The following YWHAE variants were observed in gnomAD, a reference collection of about 807,000 sequenced individuals.
YWHAE encodes the protein 14-3-3 protein epsilon.
YWHAE carries 4 observed loss-of-function variants against 30.1 expected under a neutral mutation model. The ratio of observed to expected loss-of-function variants is 0.13; its 90% CI spans 0.07 to 0.30. The LOEUF is 0.30. Among genes scored for constraint, YWHAE ranks in the 10% least tolerant of loss-of-function variants. YWHAE has a pLI of 1.00. For synonymous variants in YWHAE, 118 were observed against 111.8 expected (o/e 1.06, Z -0.35); for missense variants, 121 against 315.9 (o/e 0.38, Z 4.68).
At chr17:1,360,540 T>C (rs2072848375) in intron 4 of YWHAE, among the ~76,000 whole-genome samples, 1 of 152,068 alleles carries the variant, frequency 6.6e-6, no homozygotes. Context: ...GGCGGGCGGA[T>C]CACTTGAGGT....
At chr17:1,381,835 C>T (rs77457693) in intron 1 of YWHAE, among the ~76,000 whole-genome samples, 66 of 142,718 alleles carry the variant, frequency 4.6e-4, no homozygotes, top group African/African-American at 1.7e-3. Flanking sequence ...ATCACTGGAA[C>T]GTGAGAGGTC....
intron 1 of YWHAE, among the ~76,000 whole-genome samples, chr17:1,365,643 T>C (rs17578156): frequency 0.032 from 4,819 of 152,244 alleles, 86 homozygotes; most frequent in Middle Eastern, 0.044. Context: ...CAGAAAAGCC[T>C]TGGCATCTAC....
intron 2 of YWHAE, among the ~76,000 whole-genome samples, chr17:1,363,146 A>C (rs2072889139): frequency 6.6e-6 from 1 of 152,188 alleles, no homozygotes; most frequent in South Asian, 2.1e-4. Context: ...ATGCTGCTCC[A>C]TACTAGAAGT....
chr17:1,368,352 G>A (rs1178430639), intron 1 of YWHAE, among the ~76,000 whole-genome samples: 2 of 151,376 alleles, frequency 1.3e-5, no homozygotes. Context: ...CTCCAGTCTG[G>A]GCAACAAGAG....
At position 1,392,577 on chromosome 17, in the gene YWHAE, C is replaced by T. The variant is rs140103413; in HGVS notation, c.64+7470G>A. Among the ~76,000 whole-genome samples, 992 of 152,072 alleles carry T rather than the reference C, an allele frequency of 6.5e-3. 8 individuals carry two copies. The highest frequency in any genetic ancestry group is 0.023 in the African/African-American group (944 of 41,498). On this transcript the variant is annotated intron_variant, in intron 1 of 5. Coordinates refer to ENST00000264335, the MANE Select transcript of YWHAE (RefSeq NM_006761.5). ...TTGTATGTCTATATCTGGCCGGGTG[C>T]GGTGGCTCACACCTATAATCCCAGC...
chr17:1,376,158 G>T (rs1157073025), intron 1 of YWHAE, among the ~76,000 whole-genome samples: 1 of 152,192 alleles, frequency 6.6e-6, no homozygotes, highest in Admixed American at 6.5e-5. Flanking sequence ...TATTGCCTCA[G>T]ATTTGAATAT....
chr17:1,385,551 C>T (rs1481000181), intron 1 of YWHAE, among the ~76,000 whole-genome samples: 1 of 152,118 alleles, frequency 6.6e-6, no homozygotes, highest in Non-Finnish European at 1.5e-5. Context: ...AATTTTTCCA[C>T]AGACCAGTAT....
intron 1 of YWHAE, among the ~76,000 whole-genome samples, chr17:1,388,367 T>C (rs982637734): frequency 1.3e-5 from 2 of 151,488 alleles, no homozygotes; most frequent in Non-Finnish European, 2.9e-5. Flanking sequence ...ATACAAAAAA[T>C]GAGCCGGGCG....
At chr17:1,378,046 T>C (rs1273103393) in intron 1 of YWHAE, among the ~76,000 whole-genome samples, 1 of 152,206 alleles carries the variant, frequency 6.6e-6, no homozygotes, top group East Asian at 1.9e-4. Context: ...TGAGACTCCG[T>C]CTCAAAATAA....
intron 1 of YWHAE, among the ~76,000 whole-genome samples, chr17:1,389,577 C>CT (rs1401724686): frequency 6.7e-6 from 1 of 150,074 alleles, no homozygotes; most frequent in Non-Finnish European, 1.5e-5. Flanking sequence ...GTTGCCCAGG[C>CT]TGGAGTGCAG....
chr17:1,360,728 T>G (rs1223562698), intron 4 of YWHAE, among the ~76,000 whole-genome samples: 1 of 152,154 alleles, frequency 6.6e-6, no homozygotes, highest in East Asian at 1.9e-4. Context: ...ATGGCGCCAC[T>G]GCACTCTAGC....
intron 1 of YWHAE, among the ~76,000 whole-genome samples, chr17:1,396,558 AC>A: frequency 6.6e-6 from 1 of 152,258 alleles, no homozygotes; most frequent in Non-Finnish European, 1.5e-5. Flanking sequence ...AAAGGACAAA[AC>A]CAACAACAGC....
intron 1 of YWHAE, among the ~76,000 whole-genome samples, chr17:1,395,649 C>A (rs1216093741): frequency 6.6e-6 from 1 of 152,134 alleles, no homozygotes; most frequent in East Asian, 1.9e-4. Flanking sequence ...GGCCTACAGT[C>A]AAAGAACTGG....
chr17:1,393,711 G>A (rs1482006931), intron 1 of YWHAE, among the ~76,000 whole-genome samples: 1 of 152,190 alleles, frequency 6.6e-6, no homozygotes, highest in Non-Finnish European at 1.5e-5. Context: ...GATTGCAGGT[G>A]TTTGAGCCGC....
chr17:1,372,574 T>G (rs1390388119), intron 1 of YWHAE, among the ~76,000 whole-genome samples: 1 of 152,186 alleles, frequency 6.6e-6, no homozygotes, highest in Non-Finnish European at 1.5e-5. Flanking sequence ...CTTAAACACT[T>G]AGAAGCAATT....
intron 5 of YWHAE, among the ~76,000 whole-genome samples, chr17:1,351,528 C>T (rs1228887797): frequency 1.3e-5 from 2 of 152,142 alleles, no homozygotes; most frequent in Non-Finnish European, 2.9e-5. Flanking sequence ...TCTCCGCATG[C>T]TTTCCCTCCA....
chr17:1,397,894 A>G (rs967392924), intron 1 of YWHAE, among the ~76,000 whole-genome samples: 1 of 152,118 alleles, frequency 6.6e-6, no homozygotes. Context: ...TAGATCCTGA[A>G]GGGGACACCT....
chr17:1,362,733 C>A (rs534523953), intron 2 of YWHAE, among the ~76,000 whole-genome samples: 4 of 151,968 alleles, frequency 2.6e-5, no homozygotes, highest in African/African-American at 4.8e-5. Flanking sequence ...CCTCTCCGTG[C>A]CCCTGGAACC....
intron 2 of YWHAE, 60 bp downstream of exon 2, chr17:1,364,799 T>C: frequency 1.3e-6 from 2 of 1,589,160 alleles, no homozygotes; most frequent in Admixed American, 1.7e-5. Context: ...ATCTTAAGTG[T>C]ACCGTCCTAC....
Sources: allele counts gnomAD v4.1 joint callset (sites outside exome capture counted in the v4.1 genomes callset), GRCh38; gene constraint gnomAD v4.1.1; transcripts MANE v1.5; gene names NCBI Gene and HGNC (gene_info 2026-07-23, HGNC 2026-07-21).